The following CLIC5 variants were observed in gnomAD, a reference collection of about 807,000 sequenced individuals.
CLIC5 encodes CLIC family member 5, also known as chloride intracellular channel protein 5.
Under a neutral mutation model 24.7 loss-of-function variants are expected in CLIC5, and 20 were observed. That is an observed-to-expected ratio of 0.81 (90% CI 0.57 to 1.18). The LOEUF (loss-of-function observed/expected upper bound fraction) is 1.18. Among genes scored for constraint, CLIC5 ranks in the 50% most tolerant of loss-of-function variants. The pLI is 0.00. For missense variants in CLIC5, 341 were observed against 326.1 expected, an observed-to-expected ratio of 1.05 and a Z score of -0.35; for synonymous variants, 159 against 135.6, an observed-to-expected ratio of 1.17 and a Z score of -1.20.
At chr6:45,926,650 A>G (rs1763510817) in intron 4 of CLIC5, among the ~76,000 whole-genome samples, 1 of 152,162 alleles carries the variant, frequency 6.6e-6, no homozygotes, top group Admixed American at 6.5e-5. Flanking sequence ...CTGCTAGCTG[A>G]AAAAAGTCTA....
At chr6:46,019,643 G>A (rs1282893780), upstream of CLIC5, among the ~76,000 whole-genome samples, 2 of 138,950 alleles carry the variant, frequency 1.4e-5, no homozygotes, top group Non-Finnish European at 3.0e-5. Flanking sequence ...CCGAGATTGC[G>A]CCACTGCAGT....
the CLIC5 span, among the ~76,000 whole-genome samples, chr6:46,098,347 TATTA>T: frequency 3.3e-5 from 5 of 152,180 alleles, no homozygotes; most frequent in Non-Finnish European, 7.4e-5. Flanking sequence ...TGGCAGAAAT[TATTA>T]ATTATTATTG....
chr6:45,978,541 A>C (rs374132705), intron 1 of CLIC5, among the ~76,000 whole-genome samples: 1 of 152,232 alleles, frequency 6.6e-6, no homozygotes, highest in East Asian at 1.9e-4. Flanking sequence ...AGCCTTGTTA[A>C]AACACAGTAG....
chr6:45,949,523 G>T, intron 2 of CLIC5, 142 bp from the exon 3 acceptor site: 1 of 877,010 alleles, frequency 1.1e-6, no homozygotes, highest in Non-Finnish European at 1.7e-6. Flanking sequence ...TGCAGTATAG[G>T]GCAGGGGAGG....
chr6:45,939,795 C>T (rs756540668), intron 4 of CLIC5, among the ~76,000 whole-genome samples: 5 of 152,010 alleles, frequency 3.3e-5, no homozygotes, highest in Non-Finnish European at 5.9e-5. Context: ...CATACATCAC[C>T]TTGCTCAGCT....
chr6:45,976,193 G>A (rs534955433), intron 1 of CLIC5, among the ~76,000 whole-genome samples: 19 of 152,172 alleles, frequency 1.2e-4, no homozygotes, highest in African/African-American at 3.6e-4. Flanking sequence ...ATTATATTAC[G>A]TATACGGCAG....
chr6:46,065,065 A>C (rs1408284152), intron 1 of CLIC5, among the ~76,000 whole-genome samples: 2 of 152,204 alleles, frequency 1.3e-5, no homozygotes, highest in Admixed American at 1.3e-4. Flanking sequence ...AGAGGTTTTA[A>C]AATTTAATAG....
At chr6:45,929,168 C>G (rs1763629132) in intron 4 of CLIC5, among the ~76,000 whole-genome samples, 1 of 152,170 alleles carries the variant, frequency 6.6e-6, no homozygotes, top group Admixed American at 6.5e-5. Flanking sequence ...ACGCCACCAC[C>G]AACCGCCTTC....
chr6:46,084,427 A>G (rs1758062737), upstream of CLIC5, among the ~76,000 whole-genome samples: 1 of 152,056 alleles, frequency 6.6e-6, no homozygotes, highest in Non-Finnish European at 1.5e-5. Context: ...GTTCCTTTCC[A>G]TGTTTAGTGC....
At chr6:45,929,781 G>A (rs1314947737) in intron 4 of CLIC5, among the ~76,000 whole-genome samples, 2 of 152,210 alleles carry the variant, frequency 1.3e-5, no homozygotes, top group African/African-American at 2.4e-5. Flanking sequence ...TTCCAACAGA[G>A]TAGACATGGA....
intron 1 of CLIC5, among the ~76,000 whole-genome samples, chr6:46,030,948 T>C (rs1036370833): frequency 6.6e-6 from 1 of 152,212 alleles, no homozygotes; most frequent in African/African-American, 2.4e-5. Flanking sequence ...AAATTCTCAT[T>C]TTAAACATCT....
At chr6:46,051,325 T>C (rs1175593854) in intron 1 of CLIC5, among the ~76,000 whole-genome samples, 1 of 152,170 alleles carries the variant, frequency 6.6e-6, no homozygotes, top group Non-Finnish European at 1.5e-5. Flanking sequence ...CTCAGTGTGA[T>C]GGGGGGCAAA....
chr6:46,091,806 C>T, the CLIC5 span, among the ~76,000 whole-genome samples: 2 of 152,112 alleles, frequency 1.3e-5, no homozygotes, highest in Non-Finnish European at 2.9e-5. Flanking sequence ...GTGAATAATG[C>T]CTCAATAAGC....
At chr6:45,956,087 T>C (rs1764632092) in intron 1 of CLIC5, among the ~76,000 whole-genome samples, 1 of 152,210 alleles carries the variant, frequency 6.6e-6, no homozygotes, top group South Asian at 2.1e-4. Context: ...TGTCATTTCA[T>C]TTCCCTTCCT....
At chr6:45,981,085 C>T (rs1345251529) in intron 1 of CLIC5, among the ~76,000 whole-genome samples, 3 of 152,062 alleles carry the variant, frequency 2.0e-5, no homozygotes, top group Non-Finnish European at 4.4e-5. Context: ...ATCTTCCCAC[C>T]TCAGCCTCCT....
At chr6:45,984,377 G>C (rs1174927688) in intron 1 of CLIC5, among the ~76,000 whole-genome samples, 2 of 152,150 alleles carry the variant, frequency 1.3e-5, no homozygotes, top group African/African-American at 2.4e-5. Context: ...GGGTGGAAGG[G>C]ACATTTGACA....
the CLIC5 span, among the ~76,000 whole-genome samples, chr6:46,106,066 A>G: frequency 1.3e-5 from 2 of 152,160 alleles, no homozygotes; most frequent in Non-Finnish European, 2.9e-5. Flanking sequence ...CTGTCTGCCT[A>G]GCCCTCATCT....
In CLIC5 at chr6:46,008,409, C is replaced by T. The variant is rs368342925; in HGVS notation, c.63+7071G>A. On this transcript the variant is annotated intron_variant, in intron 1 of 5. Transcript: ENST00000339561. Reference sequence around the variant, plus strand: ...CTACCCAAAGCTGGGCCTGAAGACACCATTTGGGCCACACTGGTCCCATCA... The same window carrying T: ...CTACCCAAAGCTGGGCCTGAAGACATCATTTGGGCCACACTGGTCCCATCA... Among the ~76,000 whole-genome samples the T allele has an allele frequency of 2.6e-4, 40 of 152,290 alleles. No individual in the cohort carries two copies. The East Asian group carries it at 7.3e-3, about 28-fold the overall frequency.
intron 4 of CLIC5, among the ~76,000 whole-genome samples, chr6:45,933,515 GTC>G (rs1157836787): frequency 6.6e-5 from 10 of 152,248 alleles, no homozygotes. Flanking sequence ...TGCCCAGCAC[GTC>G]ACAGATACCA....
Sources: gnomAD v4.1 joint callset for allele counts (sites outside exome capture counted in the v4.1 genomes callset) on GRCh38, gnomAD v4.1.1 for gene constraint, MANE v1.5 for transcripts, NCBI Gene and HGNC (gene_info 2026-07-23, HGNC 2026-07-21) for gene names.